Variants in IGHMBP2 observed in about 807,000 individuals in gnomAD.
IGHMBP2 encodes immunoglobulin mu DNA binding protein 2, also known as DNA-binding protein SMUBP-2.
Under a neutral mutation model 96.0 loss-of-function variants are expected in IGHMBP2, and 81 were observed. The observed-to-expected ratio is 0.84, with a 90% confidence interval of 0.71 to 1.01. The LOEUF (loss-of-function observed/expected upper bound fraction) is 1.01, where lower values mean the gene tolerates loss of function less well. Among genes scored for constraint, IGHMBP2 ranks in the 50% least tolerant of loss-of-function variants. The pLI is 0.00. For synonymous variants in IGHMBP2, 557 were observed against 548.9 expected (o/e 1.01, Z -0.21); for missense variants, 1,227 against 1,306.3 (o/e 0.94, Z 0.94).
Position 68,933,904 on chromosome 11 carries a change from G to A in IGHMBP2, c.1528G>A (p.Gly510Arg), listed in dbSNP as rs1049595127. ...ELEEEDEQSK[G>R]NPGEVRLVSL... ...GGAGGAGGAGGACGAACAGTCGAAA[G>A]GGAACCCTGGTGAGCTTGCTTGCAG... The change falls in exon 10 of 15, where the codon GGG becomes AGG. Residue 510 changes from glycine to arginine, a missense_variant. By Grantham distance (125) the Gly-to-Arg change is moderately radical. This residue lies in a region of IGHMBP2 where 703 missense variants were observed against 770.3 expected (regional missense o/e 0.91). Transcript: ENST00000255078. 17 of 1,590,888 alleles carry A rather than the reference G, an allele frequency of 1.1e-5. No individual in the cohort carries two copies. Among genetic ancestry groups the A allele is most frequent in the Non-Finnish European group, 1.5e-5 (17 of 1,167,060 alleles).
At position 68,936,854 on chromosome 11, in the gene IGHMBP2, G is replaced by A. The variant is rs766802836; in HGVS notation, c.2374G>A (p.Ala792Thr). Residue 792 changes from alanine to threonine, a missense_variant, in exon 13 of 15, where the codon GCC becomes ACC. Physicochemically the swap from Ala to Thr is moderately conservative, Grantham distance 58. Transcript: ENST00000255078. ...VSKRAPRPRA[A>T]LGPPAGTGGP... is the part of the protein sequence containing the mutation. ...CAAGAGGGCCCCGCGACCCCGAGCA[G>A]CCCTGGGACCCCCAGCAGGGACCGG... 6.2e-7 allele frequency: 1 copy of A among 1,613,184 alleles called. No homozygotes were observed. Among genetic ancestry groups the A allele is most frequent in the African/African-American group, 1.3e-5 (1 of 75,060 alleles).
chr11:68,931,320 A>C (rs1277215624), intron 8 of IGHMBP2, among the ~76,000 whole-genome samples: 2 of 152,244 alleles, frequency 1.3e-5, no homozygotes, highest in South Asian at 4.1e-4. Context: ...AGCTGCACCC[A>C]AGAGCTCCCG....
At chr11:68,921,957 G>A (rs973083837) in intron 7 of IGHMBP2, among the ~76,000 whole-genome samples, 3 of 152,226 alleles carry the variant, frequency 2.0e-5, no homozygotes, top group African/African-American at 7.2e-5. Flanking sequence ...TCATCTGCCT[G>A]AGTATTTCTG....
In IGHMBP2 at chr11:68,936,863, C is replaced by A. The variant is rs760161861; in HGVS notation, c.2383C>A (p.Pro795Thr). Residue 795 changes from proline to threonine, a missense_variant, in exon 13 of 15, where the codon CCC becomes ACC. Physicochemically the swap from Pro to Thr is conservative, Grantham distance 38. Transcript: ENST00000255078. ...RAPRPRAALG[P>T]PAGTGGPAPL... ...CCCGCGACCCCGAGCAGCCCTGGGA[C>A]CCCCAGCAGGGACCGGTGGCCCAGC... is the stretch of plus-strand genomic sequence containing the variant. 3.7e-6 allele frequency: 6 copies of A among 1,612,680 alleles called. No homozygotes were observed. Among genetic ancestry groups the A allele is most frequent in the Non-Finnish European group, 5.1e-6 (6 of 1,179,818 alleles).
chr11:68,933,571 G>A lies in IGHMBP2; in HGVS notation c.1418+90G>A. ...TTTCTACGCAGCAAGCTAAAGTGAA[G>A]CTTTCTGCATGAAAGTCGACTCTGA... On this transcript the variant is annotated intron_variant, in intron 9 of 14. Transcript: ENST00000255078. The A allele has an allele frequency of 2.0e-6, 3 of 1,464,434 alleles. No individual in the cohort carries two copies. In the South Asian group the frequency reaches 3.6e-5, roughly 18 times the overall value. 90.7% of individuals were successfully genotyped at this position (1,464,434 alleles called of 1,614,324 possible). A position where few individuals can be genotyped will look rare whatever the true frequency, so the allele number is the denominator to read the frequency against.
chr11:68,912,679 C>A (rs189250521), intron 5 of IGHMBP2, among the ~76,000 whole-genome samples: 23 of 152,140 alleles, frequency 1.5e-4, no homozygotes, highest in Non-Finnish European at 2.8e-4. Flanking sequence ...CACCAGGCAT[C>A]GTTCTGAGCA....
chr11:68,911,687 C>G (rs1320115370), intron 5 of IGHMBP2, 84 bp downstream of exon 5: 10 of 1,314,294 alleles, frequency 7.6e-6, no homozygotes, highest in Non-Finnish European at 8.7e-6. Context: ...ACCTTTCAGC[C>G]TCAGTTCTGG....
chr11:68,923,543 A>T lies in IGHMBP2; in HGVS notation c.1061-5640A>T, dbSNP rs143304536. Reference sequence around the variant, plus strand: ...CTTGGTTTTGGGAAGCAGTAAAGTTACTTGTAAACAGTTTAATCCTTTTGA... The same window carrying T: ...CTTGGTTTTGGGAAGCAGTAAAGTTTCTTGTAAACAGTTTAATCCTTTTGA... On this transcript the variant is annotated intron_variant, in intron 7 of 14. Transcript: ENST00000255078. Among the ~76,000 whole-genome samples, 834 of 152,254 alleles carry T rather than the reference A, an allele frequency of 5.5e-3. 6 individuals carry two copies. Among genetic ancestry groups the T allele is most frequent in the Admixed American group, 9.0e-3 (137 of 15,284 alleles).
chr11:68,905,584 C>T (rs1298255594), intron 1 of IGHMBP2, among the ~76,000 whole-genome samples: 1 of 152,132 alleles, frequency 6.6e-6, no homozygotes, highest in Non-Finnish European at 1.5e-5. Flanking sequence ...GAAGGATGGG[C>T]CATCAGCGGG....
At chr11:68,927,689 T>A (rs1175087236) in intron 7 of IGHMBP2, among the ~76,000 whole-genome samples, 2 of 152,228 alleles carry the variant, frequency 1.3e-5, no homozygotes, top group African/African-American at 4.8e-5. Context: ...AACAATTACC[T>A]CTGATTGTTT....
intron 9 of IGHMBP2, 152 bp downstream of exon 9, chr11:68,933,633 G>T (rs1859404231): frequency 1.8e-6 from 2 of 1,108,756 alleles, no homozygotes; most frequent in Non-Finnish European, 2.7e-6. Context: ...CCTTGCCCTG[G>T]AGAGCTGGGT....
chr11:68,911,467 T>A lies in IGHMBP2; in HGVS notation c.575T>A (p.Leu192Gln), dbSNP rs879253996. ...IHPLTFFNTC[L>Q]DTSQKEAVLF... is the part of the protein sequence containing the mutation. ...CCGCTGACATTCTTCAACACCTGCC[T>A]GGACACCTCCCAGAAAGAAGCGGTT... Residue 192 changes from leucine to glutamine, a missense_variant, in exon 5 of 15, where the codon CTG (leucine) becomes CAG (glutamine). This residue lies in a region of IGHMBP2 where 507 missense variants were observed against 496.9 expected (regional missense o/e 1.02). Coordinates refer to ENST00000255078, the MANE Select transcript of IGHMBP2 (RefSeq NM_002180.3). 6.2e-7 allele frequency: 1 copy of A among 1,614,104 alleles called. No individual in the cohort carries two copies. Among genetic ancestry groups the A allele is most frequent in the Non-Finnish European group, 8.5e-7 (1 of 1,180,004 alleles).
Position 68,911,611 on chromosome 11 carries a change from G to A in IGHMBP2, c.711+8G>A, listed in dbSNP as rs1403938196. The A allele has an allele frequency of 2.5e-6, 4 of 1,613,820 alleles. No homozygotes were observed. Among genetic ancestry groups the A allele is most frequent in the African/African-American group, 2.7e-5 (2 of 74,936 alleles). On this transcript the variant is annotated splice_region_variant and intron_variant, in intron 5 of 14. Coordinates refer to ENST00000255078, the MANE Select transcript of IGHMBP2 (RefSeq NM_002180.3). ...GTGAAACAAGGCTTAAAGGTGGGCA[G>A]TGCATGCCACTTCCCTGTCAGAGCC...
In IGHMBP2 at chr11:68,929,863, T is replaced by C. The variant is rs112483683; in HGVS notation, c.1235+506T>C. 5.1e-6 allele frequency: 5 copies of C among 976,544 alleles called. No individual in the cohort carries two copies. The African/African-American group carries it at 7.4e-5, about 14-fold the overall frequency. The allele number at this position is 976,544 out of a possible 1,614,324, so 60.5% of individuals were successfully genotyped here. A position where few individuals can be genotyped will look rare whatever the true frequency, so the allele number is the denominator to read the frequency against. On this transcript the variant is annotated intron_variant, in intron 8 of 14. Transcript: ENST00000255078. ...GCCCAGGCTGTCCTGGTGGAGACAC[T>C]GGAGTCCTGATGCGGTGGCCTGGCC...
At chr11:68,908,051 A>G (rs1239213540) in intron 2 of IGHMBP2, 94 bp from the exon 3 acceptor site, 6 of 1,069,184 alleles carry the variant, frequency 5.6e-6, no homozygotes, top group African/African-American at 1.6e-5. Flanking sequence ...AAAGTAACAA[A>G]GATAAAATAT....
At chr11:68,931,363 T>C (rs1254146715) in intron 8 of IGHMBP2, among the ~76,000 whole-genome samples, 1 of 152,070 alleles carries the variant, frequency 6.6e-6, no homozygotes, top group Admixed American at 6.5e-5. Context: ...AGGCTCCTGC[T>C]TGTTCCCGGC....
intron 2 of IGHMBP2, chr11:68,906,479 C>T (rs1278257792): frequency 3.6e-6 from 2 of 549,980 alleles, no homozygotes; most frequent in South Asian, 4.1e-5. Flanking sequence ...GTAATTGCCG[C>T]AGATACAGAA....
Position 68,926,266 on chromosome 11 carries a change from C to CTTTTTTTTTTTTTTTTTT in IGHMBP2, c.1061-2910_1061-2893dup, listed in dbSNP as rs58973076. ...TCAACTCCAGAATTTCTGTGTGGTG[C>CTTTTTTTTTTTTTTTTTT]TTTTTTTTTTTTTTTTTTTTTTTTA... On this transcript the variant is annotated intron_variant, in intron 7 of 14. Coordinates refer to ENST00000255078, the MANE Select transcript of IGHMBP2 (RefSeq NM_002180.3). 2.0e-5 allele frequency: 2 copies of CTTTTTTTTTTTTTTTTTT among 102,454 alleles called. 1 individual carries two copies. Among genetic ancestry groups the CTTTTTTTTTTTTTTTTTT allele is most frequent in the Non-Finnish European group, 3.8e-5 (2 of 53,318 alleles). The allele number at this position is 102,454 out of a possible 1,614,324, so 6.3% of individuals were successfully genotyped here. A position where few individuals can be genotyped will look rare whatever the true frequency, so the allele number is the denominator to read the frequency against.
intron 1 of IGHMBP2, 88 bp downstream of exon 1, chr11:68,904,126 G>A (rs1810962416): frequency 8.7e-7 from 1 of 1,153,996 alleles, no homozygotes; most frequent in African/African-American, 1.5e-5. Context: ...TCATAGTCTG[G>A]GGCGGGAATT....
Sources: allele counts gnomAD v4.1 joint callset (sites outside exome capture counted in the v4.1 genomes callset), GRCh38; gene constraint gnomAD v4.1.1; regional missense constraint gnomAD v4.1.1; transcripts MANE v1.5; gene names NCBI Gene and HGNC (gene_info 2026-07-23, HGNC 2026-07-21).